The following GRIN2A variants were observed in gnomAD, a reference collection of about 807,000 sequenced individuals.
GRIN2A encodes the protein glutamate receptor ionotropic, NMDA 2A.
Under a neutral mutation model 113.4 loss-of-function variants are expected in GRIN2A, and 22 were observed. The ratio of observed to expected loss-of-function variants is 0.19; its 90% CI spans 0.14 to 0.28. The LOEUF is 0.28. GRIN2A is among the 10% of genes least tolerant of loss of function. The pLI, the probability that GRIN2A is intolerant of heterozygous loss-of-function variation, is 1.00. For synonymous variants in GRIN2A, 827 were observed against 738.4 expected, an observed-to-expected ratio of 1.12 and a Z score of -1.94; for missense variants, 1,502 against 1,887.0, an observed-to-expected ratio of 0.80 and a Z score of 3.78.
intron 2 of GRIN2A, among the ~76,000 whole-genome samples, chr16:10,095,762 C>T (rs1484997826): frequency 6.6e-6 from 1 of 152,076 alleles, no homozygotes; most frequent in African/African-American, 2.4e-5. Context: ...GCAGATACTA[C>T]CTTAACCACG....
intron 2 of GRIN2A, among the ~76,000 whole-genome samples, chr16:10,165,945 A>G (rs2049913169): frequency 6.6e-6 from 1 of 152,170 alleles, no homozygotes; most frequent in African/African-American, 2.4e-5. Context: ...CATTTTCAAA[A>G]TCCCATTCAT....
At chr16:10,107,603 G>T (rs1006264934) in intron 2 of GRIN2A, among the ~76,000 whole-genome samples, 15 of 152,194 alleles carry the variant, frequency 9.9e-5, no homozygotes, top group Non-Finnish European at 1.5e-5. Context: ...ACACGCTTCT[G>T]TGAAGAAAAC....
chr16:10,028,907 C>T (rs1467853953), intron 2 of GRIN2A, among the ~76,000 whole-genome samples: 9 of 152,200 alleles, frequency 5.9e-5, no homozygotes, highest in Non-Finnish European at 1.3e-4. Flanking sequence ...AGAACCACAG[C>T]TTGTCAAATC....
At chr16:10,023,921 G>T (rs1166225484) in intron 2 of GRIN2A, among the ~76,000 whole-genome samples, 2 of 152,136 alleles carry the variant, frequency 1.3e-5, no homozygotes, top group Non-Finnish European at 2.9e-5. Flanking sequence ...CTTAGGCCAG[G>T]TACATCACAC....
intron 2 of GRIN2A, among the ~76,000 whole-genome samples, chr16:10,080,540 T>C (rs1437006732): frequency 6.6e-6 from 1 of 152,170 alleles, no homozygotes; most frequent in Non-Finnish European, 1.5e-5. Context: ...GGCTAGGCTA[T>C]TCTTGGAAGC....
intron 10 of GRIN2A, among the ~76,000 whole-genome samples, chr16:9,815,413 CAAA>C (rs71157786): frequency 0.037 from 4,185 of 111,872 alleles, 237 homozygotes; most frequent in African/African-American, 0.12. Flanking sequence ...TAACAACAAC[CAAA>C]AAAAAAAAAA....
intron 2 of GRIN2A, among the ~76,000 whole-genome samples, chr16:9,948,352 TG>T (rs965108074): frequency 6.6e-6 from 1 of 152,014 alleles, no homozygotes; most frequent in Non-Finnish European, 1.5e-5. Context: ...ACACAGCGGG[TG>T]GGGGCTGGGG....
At chr16:10,160,767 A>G (rs2049794215) in intron 2 of GRIN2A, among the ~76,000 whole-genome samples, 1 of 152,210 alleles carries the variant, frequency 6.6e-6, no homozygotes, top group Admixed American at 6.5e-5. Flanking sequence ...ATCGAACAGA[A>G]AGCTCACTGT....
At chr16:9,824,256 A>G (rs2042345044) in intron 9 of GRIN2A, among the ~76,000 whole-genome samples, 1 of 152,144 alleles carries the variant, frequency 6.6e-6, no homozygotes, top group Non-Finnish European at 1.5e-5. Flanking sequence ...GTGTATGTGA[A>G]CAGCAAAATG....
rs2141630019 is a variant in GRIN2A at position 9,938,075 on chromosome 16, G to A, written c.891C>T (p.Gly297=). Residue 297 remains glycine, a synonymous_variant, in exon 3 of 13, where the codon GGC becomes GGT. Transcript: ENST00000330684. ...TAGAAGATGCAGCGGTGGTTAGGAT[G>A]CCAATGCCGTCCCTCACTCTCGCCT... ...SLEARVRDGI[G]ILTTAASSML... 6.2e-7 allele frequency: 1 copy of A among 1,613,900 alleles called. No individual in the cohort carries two copies. The highest frequency in any genetic ancestry group is 8.5e-7 in the Non-Finnish European group (1 of 1,179,830).
At chr16:9,990,079 C>A (rs1428110079) in intron 2 of GRIN2A, among the ~76,000 whole-genome samples, 1 of 152,170 alleles carries the variant, frequency 6.6e-6, no homozygotes, top group Non-Finnish European at 1.5e-5. Context: ...ATCCCCTGCA[C>A]TCATATGTTT....
At chr16:10,005,400 T>A (rs184045652) in intron 2 of GRIN2A, among the ~76,000 whole-genome samples, 1 of 152,346 alleles carries the variant, frequency 6.6e-6, no homozygotes, top group Admixed American at 6.5e-5. Flanking sequence ...CATTTTTTAT[T>A]ACTCACATTA....
In GRIN2A at chr16:9,754,285, C is replaced by T. The variant is rs1900273085; in HGVS notation, c.*8864G>A. 4.9e-6 allele frequency: 1 copy of T among 202,042 alleles called. No homozygotes were observed. Among genetic ancestry groups the T allele is most frequent in the South Asian group, 1.9e-4 (1 of 5,232 alleles). The allele number at this position is 202,042 out of a possible 1,614,324, so 12.5% of individuals were successfully genotyped here. ...CAGGGGAATGAACAAGATTAAGATT[C>T]ATAGTTAAAAACAACTGGTAAAGAA... On this transcript the variant is annotated 3_prime_UTR_variant, in exon 13 of 13. Coordinates refer to ENST00000330684, the MANE Select transcript of GRIN2A (RefSeq NM_001134407.3).
rs2141369237 is a variant in GRIN2A at position 9,849,792 on chromosome 16, C to T, written c.1292G>A (p.Arg431Lys). ...DIDPLTETCV[R>K]NTVPCRKFVK... ...GAACTTCCGACATGGCACGGTGTTC[C>T]TCACACACGTCTCGGTCAGGGGGTC... is the stretch of plus-strand genomic sequence containing the variant. Residue 431 changes from arginine (R) to lysine (K), a missense_variant, in exon 5 of 13, where the codon AGG becomes AAG. By Grantham distance (26) the Arg-to-Lys change is conservative. Coordinates refer to ENST00000330684, the MANE Select transcript of GRIN2A (RefSeq NM_001134407.3). The T allele has an allele frequency of 1.9e-6, 3 of 1,614,070 alleles. No homozygotes were observed. Among genetic ancestry groups the T allele is most frequent in the Non-Finnish European group, 2.5e-6 (3 of 1,179,974 alleles).
chr16:10,001,095 A>G (rs1441801212), intron 2 of GRIN2A, among the ~76,000 whole-genome samples: 1 of 152,140 alleles, frequency 6.6e-6, no homozygotes, highest in Non-Finnish European at 1.5e-5. Flanking sequence ...GTGGGCCCCA[A>G]TTGTCCTGGG....
Position 9,763,727 on chromosome 16 carries a change from G to T in GRIN2A, c.3817C>A (p.Gln1273Lys), listed in dbSNP as rs762745084. Residue 1273 changes from glutamine (Q) to lysine (K), a missense_variant, in exon 13 of 13, where the codon CAG becomes AAG. Physicochemically the swap from Gln to Lys is moderately conservative, Grantham distance 53. Transcript: ENST00000330684. ...GEQVYQQDWAQNNALQLQKNK... is the reference protein window; with the variant it reads ...GEQVYQQDWAKNNALQLQKNK... Reference sequence around the variant, plus strand: ...TTTTGTAATTGAAGGGCATTGTTCTGTGCCCAGTCCTGCTGGTAGACCTGC... The same window carrying T: ...TTTTGTAATTGAAGGGCATTGTTCTTTGCCCAGTCCTGCTGGTAGACCTGC... 1.2e-6 allele frequency: 2 copies of T among 1,614,060 alleles called. No individual in the cohort carries two copies. The highest frequency in any genetic ancestry group is 1.3e-5 in the African/African-American group (1 of 75,030).
intron 2 of GRIN2A, among the ~76,000 whole-genome samples, chr16:9,955,877 A>G (rs1181392588): frequency 1.3e-5 from 2 of 152,164 alleles, no homozygotes; most frequent in East Asian, 1.9e-4. Flanking sequence ...GCTTCAACAA[A>G]CCAGGAAACC....
intron 2 of GRIN2A, among the ~76,000 whole-genome samples, chr16:10,021,662 G>A (rs985021367): frequency 6.6e-6 from 1 of 152,136 alleles, no homozygotes; most frequent in African/African-American, 2.4e-5. Context: ...GCCAAGGGAG[G>A]GAATGAGGGG....
chr16:9,999,797 C>T (rs2046290169), intron 2 of GRIN2A, among the ~76,000 whole-genome samples: 1 of 152,168 alleles, frequency 6.6e-6, no homozygotes. Context: ...CACAGGCTCT[C>T]ACACAGGGGG....
Sources: gnomAD v4.1 joint callset for allele counts (sites outside exome capture counted in the v4.1 genomes callset) on GRCh38, gnomAD v4.1.1 for gene constraint, MANE v1.5 for transcripts, NCBI Gene and HGNC (gene_info 2026-07-23, HGNC 2026-07-21) for gene names.